The following HS3ST3B1 variants were observed in gnomAD, a reference collection of about 807,000 sequenced individuals.
HS3ST3B1 encodes heparan sulfate glucosamine 3-O-sulfotransferase 3B1.
A neutral mutation model predicts 21.3 loss-of-function variants in HS3ST3B1; 13 were observed. The ratio of observed to expected loss-of-function variants is 0.61; its 90% confidence interval spans 0.40 to 0.97. HS3ST3B1 has a LOEUF of 0.97. Among genes scored for constraint, HS3ST3B1 ranks in the 50% least tolerant of loss-of-function variants. HS3ST3B1 has a pLI of 0.00. For missense variants in HS3ST3B1, 459 were observed against 554.8 expected (o/e 0.83, Z 1.73); for synonymous variants, 234 against 254.8 (o/e 0.92, Z 0.78).
intron 1 of HS3ST3B1, among the ~76,000 whole-genome samples, chr17:14,323,609 C>T (rs1270925333): frequency 6.6e-6 from 1 of 151,862 alleles, no homozygotes; most frequent in Non-Finnish European, 1.5e-5. Context: ...AAAGCTATCT[C>T]AATTCCAGAT....
chr17:14,326,438 T>C (rs565303760), intron 1 of HS3ST3B1, among the ~76,000 whole-genome samples: 33 of 152,330 alleles, frequency 2.2e-4, no homozygotes, highest in African/African-American at 7.7e-4. Context: ...GATGAGGGTA[T>C]TCCCAGCCTG....
At position 14,303,911 on chromosome 17, in the gene HS3ST3B1, C is replaced by A. The variant is rs1438642808; in HGVS notation, c.554+1839C>A. On this transcript the variant is annotated intron_variant, in intron 1 of 1. Coordinates refer to ENST00000360954, the MANE Select transcript of HS3ST3B1 (RefSeq NM_006041.3). This position sits in a 1 kb window ranked among gnomAD's most constrained non-coding sequence, Gnocchi z 5.7. ...GGAACTGGCAGGAAAAGGACTGAACCCTTAATGTCAGGCGGTTTTGAAGCA... is the reference window on the plus strand; with the variant it reads ...GGAACTGGCAGGAAAAGGACTGAACACTTAATGTCAGGCGGTTTTGAAGCA... The A allele has an allele frequency of 6.6e-6, 1 of 152,196 alleles. No individual in the cohort carries two copies. The highest frequency in any genetic ancestry group is 2.4e-5 in the African/African-American group (1 of 41,416). 9.4% of individuals were successfully genotyped at this position (152,196 alleles called of 1,614,324 possible). A position where few individuals can be genotyped will look rare whatever the true frequency, so the allele number is the denominator to read the frequency against.
chr17:14,313,124 G>GTGTGTATATATATATATATATATA lies in HS3ST3B1; in HGVS notation c.554+11057_554+11058insATATATATATATATATATATGTGT, dbSNP rs1567637231. ...TGTGTGTGTGTATATATATATATAT[G>GTGTGTATATATATATATATATATA]TGTGTGTGTGTATATATATATTTTT... On this transcript the variant is annotated intron_variant, in intron 1 of 1. Coordinates refer to ENST00000360954, the MANE Select transcript of HS3ST3B1 (RefSeq NM_006041.3). Among the ~76,000 whole-genome samples, 360 of 128,734 alleles carry GTGTGTATATATATATATATATATA rather than the reference G, an allele frequency of 2.8e-3. 5 individuals are homozygous for GTGTGTATATATATATATATATATA. Among genetic ancestry groups the GTGTGTATATATATATATATATATA allele is most frequent in the East Asian group, 4.4e-3 (17 of 3,882 alleles). The allele number at this position is 128,734 out of a possible 152,430, so 84.5% of individuals were successfully genotyped here.
chr17:14,326,471 CT>C (rs1909820369), intron 1 of HS3ST3B1, among the ~76,000 whole-genome samples: 1 of 152,152 alleles, frequency 6.6e-6, no homozygotes, highest in Non-Finnish European at 1.5e-5. Flanking sequence ...TTTTTCTAAC[CT>C]TATTTGCCAT....
chr17:14,342,905 TG>T (rs1002250414), intron 1 of HS3ST3B1, among the ~76,000 whole-genome samples: 1 of 152,202 alleles, frequency 6.6e-6, no homozygotes, highest in Admixed American at 6.5e-5. Flanking sequence ...GTGCATATTT[TG>T]GGGGTACAAT....
chr17:14,343,713 A>G (rs2142355284), intron 1 of HS3ST3B1, among the ~76,000 whole-genome samples: 1 of 152,310 alleles, frequency 6.6e-6, no homozygotes, highest in African/African-American at 2.4e-5. Context: ...CATATATACT[A>G]CACTTAAAAA....
chr17:14,322,737 C>T (rs999665666), intron 1 of HS3ST3B1, among the ~76,000 whole-genome samples: 1 of 151,992 alleles, frequency 6.6e-6, no homozygotes, highest in South Asian at 2.1e-4. Context: ...ATTCACTGAC[C>T]CCTAACACAG....
At chr17:14,325,915 G>A (rs1190645745) in intron 1 of HS3ST3B1, among the ~76,000 whole-genome samples, 1 of 152,066 alleles carries the variant, frequency 6.6e-6, no homozygotes, top group Admixed American at 6.6e-5. Flanking sequence ...CCTTTATCTA[G>A]CAACTGTTTA....
chr17:14,337,149 A>T (rs887115124), intron 1 of HS3ST3B1, among the ~76,000 whole-genome samples: 2 of 152,138 alleles, frequency 1.3e-5, no homozygotes, highest in Non-Finnish European at 2.9e-5. Context: ...ACTTTTGATG[A>T]TGAAAGAATT....
chr17:14,344,268 T>C (rs1317730093), intron 1 of HS3ST3B1, among the ~76,000 whole-genome samples: 1 of 152,234 alleles, frequency 6.6e-6, no homozygotes, highest in African/African-American at 2.4e-5. Context: ...ATTCAGGGGA[T>C]GCATGTGCAG....
rs1233672793 is a variant in HS3ST3B1 at position 14,302,011 on chromosome 17, G to T, written c.493G>T (p.Ala165Ser). Reference protein sequence around the residue: ...EFLRVHPDVRAVGAEPHFFDR... With the variant: ...EFLRVHPDVRSVGAEPHFFDR... ...TCTGCGCGTGCACCCCGACGTGCGCGCCGTGGGCGCCGAGCCCCATTTCTT... is the reference window on the plus strand; with the variant it reads ...TCTGCGCGTGCACCCCGACGTGCGCTCCGTGGGCGCCGAGCCCCATTTCTT... The change falls in exon 1 of 2, where the codon GCC (alanine) becomes TCC (serine). Residue 165 changes from alanine (A) to serine (S), a missense_variant. Ala to Ser is a moderately conservative substitution (Grantham distance 99). This residue lies in a region of HS3ST3B1 where 317 missense variants were observed against 278.6 expected (regional missense o/e 1.14). Transcript: ENST00000360954. 3 of 1,607,882 alleles carry T rather than the reference G, an allele frequency of 1.9e-6. No individual in the cohort carries two copies. Among genetic ancestry groups the T allele is most frequent in the Non-Finnish European group, 2.5e-6 (3 of 1,178,938 alleles).
intron 1 of HS3ST3B1, among the ~76,000 whole-genome samples, chr17:14,339,226 T>C (rs950254138): frequency 1.3e-5 from 2 of 152,152 alleles, no homozygotes; most frequent in African/African-American, 4.8e-5. Context: ...TTGCAATGAT[T>C]GGTGATTTTC....
At chr17:14,304,088 A>G (rs929065057) in intron 1 of HS3ST3B1, 2 of 152,210 alleles carry the variant, frequency 1.3e-5, no homozygotes, top group Admixed American at 6.5e-5. Context: ...TGCAGCGGAC[A>G]GCGCAGCCCG....
In HS3ST3B1 at chr17:14,346,051, C is replaced by T. The variant is rs1026322509; in HGVS notation, c.*405C>T. 1 of 185,668 alleles carries T rather than the reference C, an allele frequency of 5.4e-6. No individual in the cohort carries two copies. Among genetic ancestry groups the T allele is most frequent in the African/African-American group, 2.4e-5 (1 of 41,744 alleles). The allele number at this position is 185,668 out of a possible 1,614,324, so 11.5% of individuals were successfully genotyped here. A position where few individuals can be genotyped will look rare whatever the true frequency, so the allele number is the denominator to read the frequency against. On this transcript the variant is annotated 3_prime_UTR_variant, in exon 2 of 2. Coordinates refer to ENST00000360954, the MANE Select transcript of HS3ST3B1 (RefSeq NM_006041.3). ...CCTGTCTCTTCCTGCCTGTGTACCT[C>T]GTAGGAACGCTGAGCTGCCTCAACA... is the stretch of plus-strand genomic sequence containing the variant.
rs568281803 is a variant in HS3ST3B1 at position 14,323,026 on chromosome 17, C to T, written c.554+20954C>T. Among the ~76,000 whole-genome samples, 48 of 151,716 alleles carry T rather than the reference C, an allele frequency of 3.2e-4. 2 individuals carry two copies. Among genetic ancestry groups the T allele is most frequent in the African/African-American group, 1.0e-3 (43 of 41,358 alleles). ...GTTCAAGCGATTCTCCTGCCTCAGC[C>T]TCCTGAGTAGTTGGAATTACAGGCA... On this transcript the variant is annotated intron_variant, in intron 1 of 1. Coordinates refer to ENST00000360954, the MANE Select transcript of HS3ST3B1 (RefSeq NM_006041.3).
At chr17:14,342,692 A>T (rs1341373188) in intron 1 of HS3ST3B1, among the ~76,000 whole-genome samples, 1 of 152,142 alleles carries the variant, frequency 6.6e-6, no homozygotes, top group Non-Finnish European at 1.5e-5. Flanking sequence ...TGTGGATGAG[A>T]AAAAGACGCC....
chr17:14,331,150 T>C (rs907229458), intron 1 of HS3ST3B1, among the ~76,000 whole-genome samples: 4 of 152,116 alleles, frequency 2.6e-5, no homozygotes, highest in Non-Finnish European at 5.9e-5. Context: ...TGCTTTTTTT[T>C]CCCCCTAGGA....
chr17:14,332,513 G>T (rs1035453932), intron 1 of HS3ST3B1, among the ~76,000 whole-genome samples: 4 of 151,828 alleles, frequency 2.6e-5, no homozygotes, highest in Non-Finnish European at 5.9e-5. Flanking sequence ...GTCTGCAACC[G>T]CTCCCACCGC....
rs1468702960 is a variant in HS3ST3B1 at position 14,303,465 on chromosome 17, A to C, written c.554+1393A>C. On this transcript the variant is annotated intron_variant, in intron 1 of 1. Transcript: ENST00000360954. The surrounding 1 kb of genome is among the most constrained non-coding windows in gnomAD (Gnocchi z 5.7). ...AGGAGTTGCCCAAGTCTCGAGGTTT[A>C]GCCAACCGTGACAGTCATCTTTCCC... Among the ~76,000 whole-genome samples the C allele has an allele frequency of 2.6e-5, 4 of 152,100 alleles. No homozygotes were observed. The highest frequency in any genetic ancestry group is 1.3e-4 in the Admixed American group (2 of 15,270).
Sources: allele counts gnomAD v4.1 joint callset (sites outside exome capture counted in the v4.1 genomes callset), GRCh38; gene constraint gnomAD v4.1.1; regional missense constraint gnomAD v4.1.1; non-coding constraint Gnocchi (gnomAD v3.1); transcripts MANE v1.5; gene names NCBI Gene and HGNC (gene_info 2026-07-23, HGNC 2026-07-21).